QRFPR: variants seen among roughly 807,000 people sequenced by gnomAD.
QRFPR encodes pyroglutamylated RFamide peptide receptor, also known as pyroglutamylated RF-amide peptide receptor.
In QRFPR, 37 loss-of-function variants were observed where a neutral mutation model predicts 31.3. The ratio of observed to expected loss-of-function variants is 1.18; its 90% CI spans 0.91 to 1.56. The LOEUF (loss-of-function observed/expected upper bound fraction) is 1.56. Among genes scored for constraint, QRFPR ranks in the 40% most tolerant of loss-of-function variants. The pLI, the probability that QRFPR is intolerant of heterozygous loss-of-function variation, is 0.00. For missense variants in QRFPR, 542 were observed against 532.5 expected (o/e 1.02, Z -0.18); for synonymous variants, 197 against 192.0 (o/e 1.03, Z -0.22).
chr4:121,345,414 C>T (rs1439702001), intron 1 of QRFPR, among the ~76,000 whole-genome samples: 2 of 152,230 alleles, frequency 1.3e-5, no homozygotes, highest in Non-Finnish European at 2.9e-5. Context: ...AGTTACTTAG[C>T]TGTCAACTGT....
chr4:121,346,171 G>A (rs924693764), intron 1 of QRFPR, among the ~76,000 whole-genome samples: 1 of 152,174 alleles, frequency 6.6e-6, no homozygotes, highest in Admixed American at 6.5e-5. Context: ...TGGTCTAACA[G>A]ATTATAAAAC....
intron 1 of QRFPR, among the ~76,000 whole-genome samples, chr4:121,367,590 C>T (rs887705933): frequency 2.7e-5 from 4 of 150,314 alleles, no homozygotes; most frequent in African/African-American, 7.4e-5. Context: ...AACAGTGCAA[C>T]AAGTTTTTAA....
chr4:121,336,567 T>G (rs1725440986), intron 3 of QRFPR, among the ~76,000 whole-genome samples: 1 of 152,220 alleles, frequency 6.6e-6, no homozygotes, highest in African/African-American at 2.4e-5. Context: ...AACTGACCTG[T>G]GTATTTTTGA....
At chr4:121,336,781 GA>G in intron 3 of QRFPR, 25 bp downstream of exon 3, 1 of 1,541,974 alleles carries the variant, frequency 6.5e-7, no homozygotes, top group Non-Finnish European at 9.0e-7. Context: ...TCAACAATAT[GA>G]TTATACATCT....
intron 2 of QRFPR, among the ~76,000 whole-genome samples, chr4:121,339,972 G>T (rs1174501705): frequency 6.6e-6 from 1 of 151,516 alleles, no homozygotes; most frequent in Non-Finnish European, 1.5e-5. Flanking sequence ...AAAAAAAATC[G>T]ACCTGCCCTT....
At chr4:121,365,658 T>A (rs1378683291) in intron 1 of QRFPR, among the ~76,000 whole-genome samples, 2 of 20,866 alleles carry the variant, frequency 9.6e-5, no homozygotes, top group East Asian at 2.3e-3. Flanking sequence ...TTATATATTA[T>A]ATATATTTTA....
intron 1 of QRFPR, among the ~76,000 whole-genome samples, chr4:121,359,787 G>T (rs1188695878): frequency 2.2e-5 from 3 of 136,626 alleles, no homozygotes; most frequent in Non-Finnish European, 5.0e-5. Flanking sequence ...GAGTGTGTGT[G>T]TGTATATGTG....
chr4:121,335,580 GGGGGT>G lies in QRFPR; in HGVS notation c.561+1222_561+1226del, dbSNP rs1480631038. ...GAGGCAGCCAATTGTATGGGGGGTG[GGGGGT>G]GGGGCGGGGAGAGGAGTGGGGCAGG... is the stretch of plus-strand genomic sequence containing the variant. On this transcript the variant is annotated intron_variant, in intron 3 of 5. Coordinates refer to ENST00000394427, the MANE Select transcript of QRFPR (RefSeq NM_198179.3). Among the ~76,000 whole-genome samples the G allele has an allele frequency of 2.6e-4, 22 of 83,472 alleles. No homozygotes were observed. In the East Asian group the frequency reaches 0.012, roughly 46 times the overall value. 54.8% of individuals were successfully genotyped at this position (83,472 alleles called of 152,430 possible).
chr4:121,331,909 C>T (rs1416177567), intron 4 of QRFPR, among the ~76,000 whole-genome samples: 1 of 152,040 alleles, frequency 6.6e-6, no homozygotes, highest in Non-Finnish European at 1.5e-5. Flanking sequence ...CACCTCGGCC[C>T]CCCAAATTGC....
chr4:121,348,722 G>A (rs1725705841), intron 1 of QRFPR, among the ~76,000 whole-genome samples: 1 of 152,130 alleles, frequency 6.6e-6, no homozygotes, highest in African/African-American at 2.4e-5. Context: ...GAATGTTGAA[G>A]ACCTTACTTT....
chr4:121,370,639 A>C (rs1276182936), intron 1 of QRFPR, among the ~76,000 whole-genome samples: 2 of 152,246 alleles, frequency 1.3e-5, no homozygotes, highest in Non-Finnish European at 2.9e-5. Flanking sequence ...AAAGGTCTCC[A>C]GGACTCACTA....
rs189000032 is a variant in QRFPR at position 121,331,395 on chromosome 4, G to A, written c.798-872C>T. On this transcript the variant is annotated intron_variant, in intron 4 of 5. Transcript: ENST00000394427. Reference sequence around the variant, plus strand: ...GACGGGGTCTCACTTTGTTGCCCAGGCTGGTTTCAAACTCCTGGGCTCAAG... The same window carrying A: ...GACGGGGTCTCACTTTGTTGCCCAGACTGGTTTCAAACTCCTGGGCTCAAG... Among the ~76,000 whole-genome samples, 469 of 150,812 alleles carry A rather than the reference G, an allele frequency of 3.1e-3. 5 individuals carry two copies. The highest frequency in any genetic ancestry group is 0.011 in the African/African-American group (457 of 41,168).
intron 1 of QRFPR, among the ~76,000 whole-genome samples, chr4:121,376,852 A>G (rs1046693094): frequency 1.1e-4 from 16 of 151,818 alleles, no homozygotes; most frequent in Middle Eastern, 3.4e-3. Context: ...TTTTTTCCTT[A>G]TAAAGACCTG....
chr4:121,350,058 C>T (rs1173048368), intron 1 of QRFPR, among the ~76,000 whole-genome samples: 1 of 152,102 alleles, frequency 6.6e-6, no homozygotes, highest in African/African-American at 2.4e-5. Context: ...TTGTCAAGGC[C>T]TATGGAAAGT....
chr4:121,330,083 A>C (rs1261412739), intron 5 of QRFPR, among the ~76,000 whole-genome samples: 1 of 152,208 alleles, frequency 6.6e-6, no homozygotes, highest in Non-Finnish European at 1.5e-5. Flanking sequence ...TATCAGAAAG[A>C]ATATACTGCA....
intron 1 of QRFPR, among the ~76,000 whole-genome samples, chr4:121,365,499 T>A (rs1217741503): frequency 6.2e-4 from 1 of 1,602 alleles, no homozygotes; most frequent in Non-Finnish European, 1.1e-3. Flanking sequence ...ATTATATATA[T>A]AATATATATA....
At chr4:121,339,621 A>G (rs577390734) in intron 2 of QRFPR, among the ~76,000 whole-genome samples, 3 of 152,176 alleles carry the variant, frequency 2.0e-5, no homozygotes, top group African/African-American at 7.2e-5. Context: ...TTCTAAAACC[A>G]CATTTCCTGC....
chr4:121,331,473 C>G (rs938297114), intron 4 of QRFPR, among the ~76,000 whole-genome samples: 3 of 151,370 alleles, frequency 2.0e-5, no homozygotes, highest in South Asian at 2.1e-4. Context: ...TGTGAGCCAC[C>G]ACACCCGGCC....
intron 1 of QRFPR, among the ~76,000 whole-genome samples, chr4:121,354,929 T>A (rs1379675351): frequency 1.3e-5 from 2 of 152,106 alleles, no homozygotes; most frequent in African/African-American, 4.8e-5. Context: ...CACTTGATCA[T>A]AATAAATCAT....
Sources: gnomAD v4.1 joint callset for allele counts (sites outside exome capture counted in the v4.1 genomes callset) on GRCh38, gnomAD v4.1.1 for gene constraint, MANE v1.5 for transcripts, NCBI Gene and HGNC (gene_info 2026-07-23, HGNC 2026-07-21) for gene names.